Variants in PIP5K1B observed in about 807,000 individuals in gnomAD.
PIP5K1B encodes phosphatidylinositol 4-phosphate 5-kinase type-1 beta.
In PIP5K1B, 42 loss-of-function variants were observed where a neutral mutation model predicts 67.0. The observed-to-expected ratio is 0.63, with a 90% CI of 0.49 to 0.81. The LOEUF (loss-of-function observed/expected upper bound fraction) is 0.81. Ranked by LOEUF, PIP5K1B falls within the 30% of genes least tolerant of loss-of-function variation. PIP5K1B has a pLI of 0.00. For synonymous variants in PIP5K1B, 214 were observed against 231.4 expected, an observed-to-expected ratio of 0.92 and a Z score of 0.68; for missense variants, 459 against 646.3, an observed-to-expected ratio of 0.71 and a Z score of 3.14.
At chr9:68,872,814 A>G (rs1426341356) in intron 5 of PIP5K1B, among the ~76,000 whole-genome samples, 1 of 152,250 alleles carries the variant, frequency 6.6e-6, no homozygotes, top group Non-Finnish European at 1.5e-5. Context: ...TCAGTACATA[A>G]TAAGCACCCT....
At chr9:68,983,947 T>C (rs1222393948) in intron 14 of PIP5K1B, among the ~76,000 whole-genome samples, 2 of 152,146 alleles carry the variant, frequency 1.3e-5, no homozygotes, top group Non-Finnish European at 2.9e-5. Context: ...TCCCAGCTAC[T>C]TGGGGGCTGA....
chr9:68,896,482 C>G (rs1825091907), intron 8 of PIP5K1B, among the ~76,000 whole-genome samples: 1 of 152,110 alleles, frequency 6.6e-6, no homozygotes, highest in Non-Finnish European at 1.5e-5. Flanking sequence ...TGGAGATTTG[C>G]CTTTTTATTT....
chr9:68,805,405 G>A (rs1832818592), intron 2 of PIP5K1B, among the ~76,000 whole-genome samples: 1 of 152,244 alleles, frequency 6.6e-6, no homozygotes, highest in South Asian at 2.1e-4. Flanking sequence ...TCTGGTGAGA[G>A]TAGCTAAAAA....
chr9:68,723,187 AGAGAGAGAGAGG>A (rs1436304731), intron 1 of PIP5K1B, among the ~76,000 whole-genome samples: 366 of 32,562 alleles, frequency 0.011, 6 homozygotes, highest in Admixed American at 0.09. Flanking sequence ...TGTGAGAGAG[AGAGAGAGAGAGG>A]GAGAGAGAGA....
intron 1 of PIP5K1B, among the ~76,000 whole-genome samples, chr9:68,725,941 A>G (rs1828126600): frequency 6.6e-6 from 1 of 152,208 alleles, no homozygotes; most frequent in Non-Finnish European, 1.5e-5. Flanking sequence ...CTTGCATACA[A>G]GGATGATTAG....
At chr9:68,739,711 C>T (rs1052418247) in intron 1 of PIP5K1B, 2 of 152,266 alleles carry the variant, frequency 1.3e-5, no homozygotes, top group Non-Finnish European at 2.9e-5. Context: ...GCAGCATTTT[C>T]ACGCTTTCAG....
intron 2 of PIP5K1B, among the ~76,000 whole-genome samples, chr9:68,794,932 C>G (rs1201715485): frequency 2.0e-5 from 3 of 152,142 alleles, no homozygotes; most frequent in Non-Finnish European, 4.4e-5. Context: ...CAAAAGAGGA[C>G]TGAGGGACAT....
intron 15 of PIP5K1B, among the ~76,000 whole-genome samples, chr9:69,000,877 GCT>G: frequency 6.7e-6 from 1 of 150,104 alleles, no homozygotes; most frequent in South Asian, 2.1e-4. Context: ...GATGGAAAAG[GCT>G]TGATGGGAGC....
At chr9:68,974,817 A>G (rs1490543021) in intron 14 of PIP5K1B, among the ~76,000 whole-genome samples, 2 of 152,006 alleles carry the variant, frequency 1.3e-5, no homozygotes, top group African/African-American at 2.4e-5. Flanking sequence ...ATCTGTTTTC[A>G]TATTATTTTT....
At chr9:68,869,652 G>C (rs1178749535) in intron 5 of PIP5K1B, among the ~76,000 whole-genome samples, 1 of 152,186 alleles carries the variant, frequency 6.6e-6, no homozygotes, top group Non-Finnish European at 1.5e-5. Flanking sequence ...ATGGCCCACA[G>C]AGCTCGAAAT....
chr9:68,819,329 A>T (rs1313400425), intron 3 of PIP5K1B, among the ~76,000 whole-genome samples: 3 of 152,118 alleles, frequency 2.0e-5, no homozygotes, highest in African/African-American at 7.2e-5. Flanking sequence ...GCTGGAGTGC[A>T]GTGGTGCGAT....
chr9:68,854,303 G>T (rs899401531), intron 4 of PIP5K1B, among the ~76,000 whole-genome samples: 3 of 151,510 alleles, frequency 2.0e-5, no homozygotes, highest in East Asian at 1.9e-4. Context: ...CCAATTTTTT[G>T]ATTTTTTGTA....
rs1278374054 is a variant in PIP5K1B at position 68,705,576 on chromosome 9, C to T, written c.-429C>T. The stretch of plus-strand genomic sequence containing the variant: ...GGCTCCAGCCCCGGCACCTGCCCGC[C>T]CTCAGCGTTGCCCCCGGCCCCGGCC... On this transcript the variant is annotated 5_prime_UTR_variant, in exon 1 of 16. Transcript: ENST00000265382. 6.6e-6 allele frequency: 1 copy of T among 150,760 alleles called. No homozygotes were observed. Among genetic ancestry groups the T allele is most frequent in the Non-Finnish European group, 1.5e-5 (1 of 67,080 alleles). 9.3% of individuals were successfully genotyped at this position (150,760 alleles called of 1,614,324 possible). A position where few individuals can be genotyped will look rare whatever the true frequency, so the allele number is the denominator to read the frequency against.
intron 5 of PIP5K1B, among the ~76,000 whole-genome samples, chr9:68,869,519 C>T (rs567407674): frequency 6.6e-6 from 1 of 152,188 alleles, no homozygotes; most frequent in African/African-American, 2.4e-5. Flanking sequence ...GGACAGGCCC[C>T]GCTAACTGCC....
At chr9:68,897,334 A>G (rs1288949698) in intron 8 of PIP5K1B, among the ~76,000 whole-genome samples, 3 of 152,174 alleles carry the variant, frequency 2.0e-5, no homozygotes, top group Non-Finnish European at 2.9e-5. Flanking sequence ...AGCACACTAC[A>G]TGCCAAGCAT....
At chr9:68,897,614 G>A (rs1174747221) in intron 8 of PIP5K1B, among the ~76,000 whole-genome samples, 3 of 152,158 alleles carry the variant, frequency 2.0e-5, no homozygotes, top group East Asian at 1.9e-4. Context: ...GGTAGAAGAG[G>A]AAAGTGGCCA....
At chr9:68,760,757 A>T (rs1830148812) in intron 2 of PIP5K1B, among the ~76,000 whole-genome samples, 4 of 152,092 alleles carry the variant, frequency 2.6e-5, no homozygotes, top group Admixed American at 2.6e-4. Context: ...TATTAGCATA[A>T]TAATACGTAG....
At chr9:68,851,862 G>A (rs1822503071) in intron 4 of PIP5K1B, among the ~76,000 whole-genome samples, 1 of 152,228 alleles carries the variant, frequency 6.6e-6, no homozygotes, top group Non-Finnish European at 1.5e-5. Context: ...AGCAGCTGCA[G>A]AGCCGGCCCT....
intron 3 of PIP5K1B, chr9:68,822,291 A>C (rs1833765996): frequency 5.2e-6 from 1 of 190,896 alleles, no homozygotes; most frequent in South Asian, 1.2e-4. Context: ...ACTGCATTCC[A>C]ATTCCAGCCT....
Sources: allele counts gnomAD v4.1 joint callset (sites outside exome capture counted in the v4.1 genomes callset), GRCh38; gene constraint gnomAD v4.1.1; transcripts MANE v1.5; gene names NCBI Gene and HGNC (gene_info 2026-07-23, HGNC 2026-07-21).